The following FBXW4 variants were observed in gnomAD, a reference collection of about 807,000 sequenced individuals.
The protein encoded by FBXW4 is F-box and WD repeat domain containing 4, also known as F-box/WD repeat-containing protein 4.
A neutral mutation model predicts 61.8 loss-of-function variants in FBXW4; 40 were observed. The ratio of observed to expected loss-of-function variants is 0.65; its 90% CI spans 0.50 to 0.84. FBXW4 has a LOEUF of 0.84. Ranked by LOEUF, FBXW4 falls within the 40% of genes least tolerant of loss-of-function variation. The pLI is 0.00. For synonymous variants in FBXW4, 311 were observed against 313.8 expected, an observed-to-expected ratio of 0.99 and a Z score of 0.10; for missense variants, 672 against 753.8, an observed-to-expected ratio of 0.89 and a Z score of 1.27.
At chr10:101,635,842 GAAAAAA>G (rs764437277) in intron 5 of FBXW4, among the ~76,000 whole-genome samples, 32 of 121,084 alleles carry the variant, frequency 2.6e-4, no homozygotes, top group Non-Finnish European at 4.1e-4. Flanking sequence ...CCCGGTCTCA[GAAAAAA>G]AAAAAAAAAG....
At chr10:101,688,043 G>A (rs886395448) in intron 1 of FBXW4, among the ~76,000 whole-genome samples, 35 of 152,170 alleles carry the variant, frequency 2.3e-4, no homozygotes, top group Non-Finnish European at 4.4e-5. Context: ...TACAAGAGCT[G>A]GGGGAGAAAA....
intron 1 of FBXW4, among the ~76,000 whole-genome samples, chr10:101,691,984 A>G (rs1407218444): frequency 1.3e-5 from 2 of 152,200 alleles, no homozygotes; most frequent in African/African-American, 4.8e-5. Context: ...TGCAATAAAA[A>G]CGAAATGCAT....
intron 5 of FBXW4, among the ~76,000 whole-genome samples, chr10:101,656,383 G>A (rs1465250400): frequency 9.9e-5 from 15 of 152,194 alleles, no homozygotes; most frequent in African/African-American, 3.6e-4. Context: ...GTGGGAAATC[G>A]AGAGAGGAAA....
chr10:101,631,330 C>A (rs1456919171), intron 5 of FBXW4, among the ~76,000 whole-genome samples: 3 of 152,110 alleles, frequency 2.0e-5, no homozygotes, highest in African/African-American at 7.2e-5. Flanking sequence ...GATGGTCCAT[C>A]TACTTAATGG....
chr10:101,640,738 G>A (rs1297211608), intron 5 of FBXW4, among the ~76,000 whole-genome samples: 2 of 149,530 alleles, frequency 1.3e-5, no homozygotes, highest in South Asian at 2.1e-4. Flanking sequence ...CTGGTCTCAC[G>A]CTCCTGGCCT....
At chr10:101,636,357 C>CA (rs1298873409) in intron 5 of FBXW4, among the ~76,000 whole-genome samples, 2 of 121,162 alleles carry the variant, frequency 1.7e-5, no homozygotes, top group Non-Finnish European at 3.4e-5. Context: ...GACTCCATCT[C>CA]AAAAAAAGAA....
At chr10:101,663,714 G>A (rs2064267543) in intron 5 of FBXW4, among the ~76,000 whole-genome samples, 1 of 151,676 alleles carries the variant, frequency 6.6e-6, no homozygotes, top group South Asian at 2.1e-4. Context: ...TCAGGAGGTT[G>A]TATCTCTGAG....
chr10:101,627,990 C>A (rs893491530), intron 5 of FBXW4: 1 of 985,260 alleles, frequency 1.0e-6, no homozygotes, highest in African/African-American at 1.7e-5. Flanking sequence ...ATAACCTGTT[C>A]GATTTGAATC....
rs1024756834 is a variant in FBXW4 at position 101,661,750 on chromosome 10, C to G, written c.1235+6136G>C. Among the ~76,000 whole-genome samples, 7 of 152,274 alleles carry G rather than the reference C, an allele frequency of 4.6e-5. No homozygotes were observed. The East Asian group carries it at 1.4e-3, about 29-fold the overall frequency. The stretch of plus-strand genomic sequence containing the variant: ...GGACACCAAGCCACTCTTTGACTAG[C>G]TCTTCAGGTCTTCTTTCCCTAGACA... On this transcript the variant is annotated intron_variant, in intron 5 of 8. Coordinates refer to ENST00000331272, the MANE Select transcript of FBXW4 (RefSeq NM_022039.4).
chr10:101,612,462 T>G lies in FBXW4; in HGVS notation c.1317A>C (p.Thr439=). 1 of 1,576,440 alleles carries G rather than the reference T, an allele frequency of 6.3e-7. No individual in the cohort carries two copies. The highest frequency in any genetic ancestry group is 8.6e-7 in the Non-Finnish European group (1 of 1,160,358). The change falls in exon 7 of 9, where the codon ACA becomes ACC. Residue 439 remains threonine, a synonymous_variant. Coordinates refer to ENST00000331272, the MANE Select transcript of FBXW4 (RefSeq NM_022039.4). ...IWDLNSGQLM[T]HLGSDFPPGA... ...CTGGGGGAAAGTCACTGCCCAAGTG[T>G]GTCATCAGCTGCCCACTGGGAAGGG... is the stretch of plus-strand genomic sequence containing the variant.
chr10:101,637,955 A>G (rs953653508), intron 5 of FBXW4, among the ~76,000 whole-genome samples: 7 of 152,122 alleles, frequency 4.6e-5, no homozygotes, highest in African/African-American at 1.7e-4. Flanking sequence ...CAAAAAACGG[A>G]TATTACCCAG....
intron 1 of FBXW4, among the ~76,000 whole-genome samples, chr10:101,684,557 G>A (rs2064514218): frequency 6.6e-6 from 1 of 151,962 alleles, no homozygotes; most frequent in Non-Finnish European, 1.5e-5. Flanking sequence ...CACAGCACCA[G>A]GCCTTGGGGC....
chr10:101,669,694 A>G (rs2064339789), intron 4 of FBXW4, among the ~76,000 whole-genome samples: 1 of 152,042 alleles, frequency 6.6e-6, no homozygotes, highest in Non-Finnish European at 1.5e-5. Flanking sequence ...TGCTGATCCT[A>G]TCTTTGCCCT....
At chr10:101,617,561 CACAT>C (rs1211217363) in intron 6 of FBXW4, among the ~76,000 whole-genome samples, 3 of 152,222 alleles carry the variant, frequency 2.0e-5, no homozygotes, top group East Asian at 3.8e-4. Context: ...TACAGCCTCT[CACAT>C]GCATGTGTCT....
In FBXW4 at chr10:101,612,497, G is replaced by A. The variant is rs1434409485; in HGVS notation, c.1302-20C>T. ...TGCCCACTGGGAAGGGAAGGACGGA[G>A]TGAGAGGCTGCTCCACGTGGGTCAT... On this transcript the variant is annotated intron_variant, in intron 6 of 8. Transcript: ENST00000331272. The A allele has an allele frequency of 2.6e-6, 4 of 1,535,804 alleles. No individual in the cohort carries two copies. The highest frequency in any genetic ancestry group is 2.7e-5 in the African/African-American group (2 of 72,776).
At chr10:101,617,848 GAGAA>G (rs756524324) in intron 6 of FBXW4, among the ~76,000 whole-genome samples, 27 of 152,154 alleles carry the variant, frequency 1.8e-4, no homozygotes, top group Non-Finnish European at 3.4e-4. Flanking sequence ...GTTAAGGGGG[GAGAA>G]AGAAAGAAAG....
intron 5 of FBXW4, among the ~76,000 whole-genome samples, chr10:101,653,233 G>T (rs1225715770): frequency 2.6e-5 from 4 of 152,114 alleles, no homozygotes; most frequent in African/African-American, 7.2e-5. Context: ...CTACGAGTCT[G>T]GTCCCTTCCT....
chr10:101,661,258 C>T (rs2064241227), intron 5 of FBXW4, among the ~76,000 whole-genome samples: 3 of 152,136 alleles, frequency 2.0e-5, no homozygotes, highest in Admixed American at 2.0e-4. Flanking sequence ...GGGTTCTGGG[C>T]CAGCCAGGGC....
chr10:101,670,172 A>G (rs1053616882), intron 4 of FBXW4, among the ~76,000 whole-genome samples: 4 of 152,242 alleles, frequency 2.6e-5, no homozygotes, highest in African/African-American at 9.6e-5. Flanking sequence ...ATCCTAAAGA[A>G]AATAATCCTA....
Sources: gnomAD v4.1 joint callset for allele counts (sites outside exome capture counted in the v4.1 genomes callset) on GRCh38, gnomAD v4.1.1 for gene constraint, MANE v1.5 for transcripts, NCBI Gene and HGNC (gene_info 2026-07-23, HGNC 2026-07-21) for gene names.